The following RAB30 variants were observed in gnomAD, a reference collection of about 807,000 sequenced individuals.
RAB30 encodes the protein RAB30, member RAS oncogene family, also known as ras-related protein Rab-30.
In RAB30, 9 loss-of-function variants were observed where a neutral mutation model predicts 25.1. The observed-to-expected ratio is 0.36, with a 90% CI of 0.22 to 0.63. The LOEUF (loss-of-function observed/expected upper bound fraction) is 0.63. Ranked by LOEUF, RAB30 falls within the 20% of genes least tolerant of loss-of-function variation. RAB30 has a pLI of 0.69. For missense variants in RAB30, 140 were observed against 243.5 expected (o/e 0.58, Z 2.83); for synonymous variants, 77 against 86.4 (o/e 0.89, Z 0.60).
intron 1 of RAB30, among the ~76,000 whole-genome samples, chr11:83,027,971 C>A (rs1857765014): frequency 6.6e-6 from 1 of 152,058 alleles, no homozygotes. Flanking sequence ...TTTTTCCTCC[C>A]CCTCTTAATC....
intron 2 of RAB30, among the ~76,000 whole-genome samples, chr11:82,994,503 T>C (rs1271304213): frequency 6.6e-6 from 1 of 152,046 alleles, no homozygotes; most frequent in Non-Finnish European, 1.5e-5. Context: ...GAGATCAGAA[T>C]TGGAAGGGTC....
At chr11:83,031,987 G>T (rs562947088) in intron 1 of RAB30, among the ~76,000 whole-genome samples, 3 of 152,288 alleles carry the variant, frequency 2.0e-5, no homozygotes, top group African/African-American at 7.2e-5. Flanking sequence ...CTACAGAAGA[G>T]TTTTGCTTTG....
At chr11:83,066,979 C>A (rs1436598420) in intron 1 of RAB30, among the ~76,000 whole-genome samples, 1 of 152,158 alleles carries the variant, frequency 6.6e-6, no homozygotes. Flanking sequence ...TAGGTTAATT[C>A]ACTCACTCTA....
intron 2 of RAB30, among the ~76,000 whole-genome samples, chr11:82,995,180 A>T (rs1311487623): frequency 5.3e-5 from 8 of 152,204 alleles, no homozygotes; most frequent in Non-Finnish European, 7.3e-5. Flanking sequence ...AGTAAAATGG[A>T]CGTTATTAGT....
chr11:83,018,734 G>C (rs1184806606), intron 1 of RAB30, among the ~76,000 whole-genome samples: 1 of 152,036 alleles, frequency 6.6e-6, no homozygotes, highest in Non-Finnish European at 1.5e-5. Context: ...TGTTACATTT[G>C]CTTTTGGGTT....
chr11:83,059,818 G>C (rs1056854942), intron 1 of RAB30, among the ~76,000 whole-genome samples: 4 of 152,128 alleles, frequency 2.6e-5, no homozygotes, highest in African/African-American at 7.2e-5. Flanking sequence ...AAAGCATAAG[G>C]TTGAGGGGGA....
In RAB30 at chr11:82,978,229, A is replaced by C. The variant is rs1220605721; in HGVS notation, c.*3936T>G. 1 of 152,212 alleles carries C rather than the reference A, an allele frequency of 6.6e-6. No individual in the cohort carries two copies. Among genetic ancestry groups the C allele is most frequent in the Non-Finnish European group, 1.5e-5 (1 of 68,046 alleles). 9.4% of individuals were successfully genotyped at this position (152,212 alleles called of 1,614,324 possible). On this transcript the variant is annotated 3_prime_UTR_variant, in exon 5 of 5. Transcript: ENST00000527633. Reference sequence around the variant, plus strand: ...AACAACAACAACAAAAAATTTTGGAAAAAAAGGAATGGCAAACTCTAGAAG... The same window carrying C: ...AACAACAACAACAAAAAATTTTGGACAAAAAGGAATGGCAAACTCTAGAAG...
intron 1 of RAB30, among the ~76,000 whole-genome samples, chr11:83,048,182 T>C (rs1858274309): frequency 1.3e-5 from 2 of 152,126 alleles, no homozygotes; most frequent in South Asian, 4.1e-4. Flanking sequence ...CTGCTCTAGA[T>C]ATGCTGGCCT....
At chr11:83,014,679 AAAGAAAGAAAGAAAGAGAAAGG>A (rs1458211742) in intron 1 of RAB30, among the ~76,000 whole-genome samples, 1 of 147,380 alleles carries the variant, frequency 6.8e-6, no homozygotes, top group African/African-American at 2.6e-5. Context: ...AGAAAGAAAG[AAAGAAAGAAAGAAAGAGAAAGG>A]AAGGAAGGAA....
chr11:83,059,918 G>A (rs1247168960), intron 1 of RAB30, among the ~76,000 whole-genome samples: 10 of 152,154 alleles, frequency 6.6e-5, no homozygotes, highest in South Asian at 2.1e-4. Flanking sequence ...AAGCGGGGGC[G>A]GGGTGGTTGG....
intron 1 of RAB30, among the ~76,000 whole-genome samples, chr11:83,044,927 G>C (rs1010340804): frequency 3.3e-5 from 5 of 152,162 alleles, no homozygotes; most frequent in Non-Finnish European, 1.5e-5. Context: ...CAGATTCAGA[G>C]AAACCAAGCA....
At chr11:82,999,216 A>G (rs900486942) in intron 1 of RAB30, among the ~76,000 whole-genome samples, 4 of 152,222 alleles carry the variant, frequency 2.6e-5, no homozygotes, top group African/African-American at 9.6e-5. Context: ...TTACTAACAC[A>G]TTATCTGTTT....
chr11:83,045,303 T>TA (rs1325951354), intron 1 of RAB30, among the ~76,000 whole-genome samples: 12 of 152,056 alleles, frequency 7.9e-5, no homozygotes, highest in Admixed American at 6.6e-4. Context: ...CATATATATA[T>TA]TTTTTTTCCT....
intron 1 of RAB30, among the ~76,000 whole-genome samples, chr11:83,033,173 T>C (rs1054402331): frequency 2.0e-5 from 3 of 148,792 alleles, no homozygotes; most frequent in Non-Finnish European, 3.0e-5. Context: ...CAAGTGATTC[T>C]CCTGCCTCAG....
intron 1 of RAB30, among the ~76,000 whole-genome samples, chr11:83,001,739 A>C (rs1328574638): frequency 6.6e-6 from 1 of 152,188 alleles, no homozygotes; most frequent in African/African-American, 2.4e-5. Flanking sequence ...TTTCCCCCTG[A>C]ATAAGGGAAA....
At chr11:83,068,024 C>T (rs1361142638) in intron 1 of RAB30, among the ~76,000 whole-genome samples, 2 of 151,324 alleles carry the variant, frequency 1.3e-5, no homozygotes, top group Non-Finnish European at 2.9e-5. Context: ...ACTTGGGAGG[C>T]TGAGGCAGGA....
Position 82,975,242 on chromosome 11 carries a change from A to T in RAB30, c.*6923T>A, listed in dbSNP as rs1054574157. ...CACTAGCATTCTGCAATTGTATAGA[A>T]TAAGAGAATATTTGTTGCTAATGAT... is the stretch of plus-strand genomic sequence containing the variant. On this transcript the variant is annotated 3_prime_UTR_variant, in exon 5 of 5. Coordinates refer to ENST00000527633, the MANE Select transcript of RAB30 (RefSeq NM_001286060.2). The T allele has an allele frequency of 6.6e-6, 1 of 152,218 alleles. No individual in the cohort carries two copies. The highest frequency in any genetic ancestry group is 2.4e-5 in the African/African-American group (1 of 41,464). The allele number at this position is 152,218 out of a possible 1,614,324, so 9.4% of individuals were successfully genotyped here.
chr11:83,054,728 G>T (rs1047386261), intron 1 of RAB30, among the ~76,000 whole-genome samples: 1 of 152,008 alleles, frequency 6.6e-6, no homozygotes, highest in African/African-American at 2.4e-5. Context: ...TCAGCCAGAT[G>T]TGGGGGTGTG....
chr11:82,987,438 C>T (rs971668437), intron 4 of RAB30, 149 bp downstream of exon 4: 39 of 716,154 alleles, frequency 5.4e-5, no homozygotes, highest in Admixed American at 7.0e-5. Context: ...ATTTCATTTT[C>T]TCTTCAATTG....
Sources: allele counts gnomAD v4.1 joint callset (sites outside exome capture counted in the v4.1 genomes callset), GRCh38; gene constraint gnomAD v4.1.1; transcripts MANE v1.5; gene names NCBI Gene and HGNC (gene_info 2026-07-23, HGNC 2026-07-21).